The following LOXHD1 variants were observed in gnomAD, a reference collection of about 807,000 sequenced individuals.
LOXHD1 encodes lipoxygenase homology domain-containing protein 1.
In LOXHD1, 205 loss-of-function variants were observed where a neutral mutation model predicts 248.2. The ratio of observed to expected loss-of-function variants is 0.83; its 90% CI spans 0.74 to 0.93. The LOEUF (loss-of-function observed/expected upper bound fraction) is 0.93, where lower values mean the gene tolerates loss of function less well. LOXHD1 is among the 40% of genes least tolerant of loss of function. The pLI, the probability that LOXHD1 is intolerant of heterozygous loss-of-function variation, is 0.00. For synonymous variants in LOXHD1, 1,113 were observed against 1,162.8 expected, an observed-to-expected ratio of 0.96 and a Z score of 0.87; for missense variants, 2,930 against 2,971.6, an observed-to-expected ratio of 0.99 and a Z score of 0.33.
At chr18:46,626,938 G>T (rs994234110) in intron 4 of LOXHD1, among the ~76,000 whole-genome samples, 2 of 152,206 alleles carry the variant, frequency 1.3e-5, no homozygotes, top group African/African-American at 2.4e-5. Context: ...TTAATAGTTT[G>T]TTGAGAATGA....
intron 4 of LOXHD1, among the ~76,000 whole-genome samples, chr18:46,624,988 T>C (rs906559871): frequency 6.6e-6 from 1 of 152,112 alleles, no homozygotes. Flanking sequence ...CATCGTTTAA[T>C]CCTCACAATG....
chr18:46,636,343 T>A (rs2038892369), intron 4 of LOXHD1, among the ~76,000 whole-genome samples: 1 of 152,198 alleles, frequency 6.6e-6, no homozygotes, highest in African/African-American at 2.4e-5. Context: ...GCCCCCCAGC[T>A]CACCTTCTGT....
At chr18:46,498,672 A>T (rs912276701) in intron 37 of LOXHD1, among the ~76,000 whole-genome samples, 1 of 151,884 alleles carries the variant, frequency 6.6e-6, no homozygotes, top group African/African-American at 2.4e-5. Context: ...GCATCTTTCC[A>T]TGTTCTCTCA....
At chr18:46,642,134 C>T (rs1017651089) in intron 2 of LOXHD1, 98 bp from the exon 3 acceptor site, 7 of 1,071,170 alleles carry the variant, frequency 6.5e-6, no homozygotes, top group Admixed American at 4.0e-5. Flanking sequence ...TCCATCATCC[C>T]ACTCCTGGGG....
chr18:46,513,775 T>C (rs956153352), intron 34 of LOXHD1, among the ~76,000 whole-genome samples: 1 of 152,248 alleles, frequency 6.6e-6, no homozygotes, highest in Non-Finnish European at 1.5e-5. Flanking sequence ...ACTATGTTTA[T>C]GGTAATTTTG....
intron 17 of LOXHD1, 97 bp downstream of exon 17, chr18:46,566,160 C>T: frequency 7.4e-7 from 1 of 1,355,764 alleles, no homozygotes; most frequent in East Asian, 2.5e-5. Flanking sequence ...CAGCACTTGT[C>T]AGCAAGACCT....
intron 21 of LOXHD1, among the ~76,000 whole-genome samples, chr18:46,550,344 C>CGG (rs1367467956): frequency 1.3e-5 from 2 of 151,590 alleles, no homozygotes; most frequent in African/African-American, 4.8e-5. Flanking sequence ...GAGGCCGAGG[C>CGG]GGGTGGATCA....
rs370285905 is a variant in LOXHD1, at chr18:46,578,206, G to A, written c.1810-339C>T. 1.8e-4 allele frequency among the ~76,000 whole-genome samples: 27 copies of A among 152,258 alleles called. No homozygotes were observed. The East Asian group carries it at 5.2e-3, about 29-fold the overall frequency. Reference sequence around the variant, plus strand: ...GGCTCCTTGCTCTAGAGGGATACTGGGCCCCTTCCAAGGAGGGAAATGATT... The same window carrying A: ...GGCTCCTTGCTCTAGAGGGATACTGAGCCCCTTCCAAGGAGGGAAATGATT... On this transcript the variant is annotated intron_variant, in intron 13 of 40. Coordinates refer to ENST00000642948, the MANE Select transcript of LOXHD1 (RefSeq NM_001384474.1).
intron 32 of LOXHD1, 40 bp from the exon 33 acceptor site, chr18:46,521,322 A>T: frequency 6.5e-7 from 1 of 1,549,844 alleles, no homozygotes. Flanking sequence ...ATCTGGGCAC[A>T]ACTGGGAAGG....
intron 1 of LOXHD1, among the ~76,000 whole-genome samples, chr18:46,654,450 T>C (rs1479653087): frequency 1.3e-5 from 2 of 152,202 alleles, no homozygotes; most frequent in African/African-American, 4.8e-5. Context: ...CCCCTTCTAC[T>C]CTCCAGTTCT....
intron 19 of LOXHD1, 112 bp downstream of exon 19, chr18:46,559,971 C>T (rs546607299): frequency 8.7e-7 from 1 of 1,145,026 alleles, no homozygotes; most frequent in African/African-American, 1.5e-5. Flanking sequence ...TGGGTGCCCA[C>T]CTATTTGGCC....
At chr18:46,632,635 G>T (rs993441807) in intron 4 of LOXHD1, among the ~76,000 whole-genome samples, 4 of 152,084 alleles carry the variant, frequency 2.6e-5, no homozygotes, top group African/African-American at 9.7e-5. Context: ...CAACAGAAGG[G>T]ATGCCAACAA....
intron 29 of LOXHD1, 88 bp from the exon 30 acceptor site, chr18:46,525,005 C>G: frequency 1.4e-6 from 2 of 1,430,740 alleles, no homozygotes. Context: ...CTTCCTTCCC[C>G]CTCAGTTGCT....
intron 6 of LOXHD1, among the ~76,000 whole-genome samples, chr18:46,608,023 CGGAAGGAAGGAG>C (rs1446636493): frequency 4.7e-5 from 2 of 42,892 alleles, no homozygotes; most frequent in Non-Finnish European, 4.9e-5. Context: ...AAAACAAACA[CGGAAGGAAGGAG>C]GGAAGGAAGG....
In LOXHD1 at chr18:46,477,738, C is replaced by G; in HGVS notation, c.6556G>C (p.Gly2186Arg). Residue 2186 changes from glycine to arginine, a missense_variant, in exon 41 of 41, where the codon GGC becomes CGC. Gly to Arg is a moderately radical substitution (Grantham distance 125). Coordinates refer to ENST00000642948, the MANE Select transcript of LOXHD1 (RefSeq NM_001384474.1). ...ATTTTCTGCTTCAGCTCCCGCTTGC[C>G]TGTGTCTCCGTTGGCCCCAAAGATG... ...VTIFGANGDT[G>R]KRELKQKMRN... 6.4e-7 allele frequency: 1 copy of G among 1,551,950 alleles called. No individual in the cohort carries two copies. The highest frequency in any genetic ancestry group is 1.4e-5 in the African/African-American group (1 of 73,196).
chr18:46,520,733 C>T (rs565754669), intron 33 of LOXHD1: 2 of 249,724 alleles, frequency 8.0e-6, no homozygotes, highest in South Asian at 1.2e-4. Flanking sequence ...AATGACCCTG[C>T]CTGTCTACAT....
In LOXHD1 at chr18:46,606,446, T is replaced by A. The variant is rs372880; in HGVS notation, c.760-2217A>T. Reference sequence around the variant, plus strand: ...TTGAGTGCTGACAACACACCAAAAGTGGAAAATTCCACACCAGACCCTATA... The same window carrying A: ...TTGAGTGCTGACAACACACCAAAAGAGGAAAATTCCACACCAGACCCTATA... On this transcript the variant is annotated intron_variant, in intron 6 of 40. Transcript: ENST00000642948. Among the ~76,000 whole-genome samples, 936 of 152,148 alleles carry A rather than the reference T, an allele frequency of 6.2e-3. 2 individuals carry two copies. The highest frequency in any genetic ancestry group is 0.024 in the Middle Eastern group (7 of 294).
chr18:46,527,724 T>C (rs1189084642), intron 29 of LOXHD1, among the ~76,000 whole-genome samples: 2 of 152,212 alleles, frequency 1.3e-5, no homozygotes, highest in Non-Finnish European at 2.9e-5. Flanking sequence ...CTACCTACTT[T>C]ATAAGGGCAA....
At position 46,507,528 on chromosome 18, in the gene LOXHD1, C is replaced by T. The variant is rs914520689; in HGVS notation, c.5692+10G>A. On this transcript the variant is annotated intron_variant, in intron 36 of 40. Transcript: ENST00000642948. ...AAGGGAGCGGGAGGTGTGAGGGACC[C>T]CCGACCCACCCAGGATGTCGCTGGT... The T allele has an allele frequency of 1.3e-6, 2 of 1,551,490 alleles. No individual in the cohort carries two copies. The highest frequency in any genetic ancestry group is 1.4e-5 in the African/African-American group (1 of 73,022).
Sources: allele counts gnomAD v4.1 joint callset (sites outside exome capture counted in the v4.1 genomes callset), GRCh38; gene constraint gnomAD v4.1.1; transcripts MANE v1.5; gene names NCBI Gene and HGNC (gene_info 2026-07-23, HGNC 2026-07-21).